Variants in TRHDE observed in about 807,000 individuals in gnomAD.
TRHDE encodes the protein thyrotropin-releasing hormone-degrading ectoenzyme.
A neutral mutation model predicts 125.7 loss-of-function variants in TRHDE; 72 were observed. That is an observed-to-expected ratio of 0.57 (90% CI 0.47 to 0.70). The LOEUF (loss-of-function observed/expected upper bound fraction) is 0.70. Among genes scored for constraint, TRHDE ranks in the 30% least tolerant of loss-of-function variants. The pLI is 0.00. For synonymous variants in TRHDE, 509 were observed against 509.1 expected, an observed-to-expected ratio of 1.00 and a Z score of 0.00; for missense variants, 1,110 against 1,327.1, an observed-to-expected ratio of 0.84 and a Z score of 2.54.
intron 7 of TRHDE, among the ~76,000 whole-genome samples, chr12:72,551,571 A>C (rs897725607): frequency 6.6e-6 from 1 of 151,958 alleles, no homozygotes; most frequent in Non-Finnish European, 1.5e-5. Context: ...CAGTTCACAT[A>C]CCCCACCATT....
rs568444305 is a variant in TRHDE at position 72,391,497 on chromosome 12, T to C, written c.1315+13376T>C. Reference sequence around the variant, plus strand: ...ACTTAGATTTATTCTTTATTGGCTTTATTTTTTTTCCTTATGGGTTCTGTC... The same window carrying C: ...ACTTAGATTTATTCTTTATTGGCTTCATTTTTTTTCCTTATGGGTTCTGTC... On this transcript the variant is annotated intron_variant, in intron 3 of 18. Coordinates refer to ENST00000261180, the MANE Select transcript of TRHDE (RefSeq NM_013381.3). 3.3e-5 allele frequency among the ~76,000 whole-genome samples: 5 copies of C among 152,318 alleles called. No homozygotes were observed. The East Asian group carries it at 9.6e-4, about 29-fold the overall frequency.
chr12:72,093,662 C>G (rs1357862622), intron 1 of TRHDE, among the ~76,000 whole-genome samples: 1 of 151,940 alleles, frequency 6.6e-6, no homozygotes, highest in African/African-American at 2.4e-5. Context: ...TCTAGAATTT[C>G]TGTTTGGTTT....
At chr12:72,566,808 T>TGAA (rs1870468944) in intron 9 of TRHDE, among the ~76,000 whole-genome samples, 1 of 152,030 alleles carries the variant, frequency 6.6e-6, no homozygotes, top group Admixed American at 6.5e-5. Context: ...GTCAAGTTTA[T>TGAA]GAAGTTAATC....
At chr12:72,407,012 G>A (rs970659443) in intron 3 of TRHDE, among the ~76,000 whole-genome samples, 5 of 152,114 alleles carry the variant, frequency 3.3e-5, no homozygotes, top group Non-Finnish European at 5.9e-5. Context: ...AAGCTGTTCC[G>A]TGAGTCTTGT....
intron 3 of TRHDE, among the ~76,000 whole-genome samples, chr12:72,427,942 G>A: frequency 6.6e-6 from 1 of 152,252 alleles, no homozygotes; most frequent in East Asian, 1.9e-4. Context: ...CACATTCCTA[G>A]GTCATACCTC....
chr12:72,596,866 A>G (rs1205324628), intron 12 of TRHDE, among the ~76,000 whole-genome samples: 2 of 152,242 alleles, frequency 1.3e-5, no homozygotes, highest in African/African-American at 2.4e-5. Context: ...CAGCATGAAA[A>G]AGATAAAATG....
At chr12:72,530,845 G>T (rs545845329) in intron 6 of TRHDE, among the ~76,000 whole-genome samples, 1 of 151,676 alleles carries the variant, frequency 6.6e-6, no homozygotes, top group Non-Finnish European at 1.5e-5. Flanking sequence ...GCAATAATGG[G>T]TATTTGATAT....
intron 6 of TRHDE, among the ~76,000 whole-genome samples, chr12:72,502,695 T>C (rs1878206717): frequency 6.6e-6 from 1 of 152,190 alleles, no homozygotes; most frequent in Non-Finnish European, 1.5e-5. Context: ...TGTTCGAGTG[T>C]TCTGTATCCT....
chr12:72,129,208 T>TCTGA (rs1454883897), intron 2 of TRHDE, among the ~76,000 whole-genome samples: 1 of 152,108 alleles, frequency 6.6e-6, no homozygotes, highest in Admixed American at 6.5e-5. Flanking sequence ...ATTTGAAACA[T>TCTGA]CTGAAAGCTA....
chr12:72,544,039 C>A (rs1041985665), intron 7 of TRHDE, among the ~76,000 whole-genome samples: 10 of 151,284 alleles, frequency 6.6e-5, no homozygotes, highest in African/African-American at 2.2e-4. Context: ...TAATTTTCAA[C>A]TGAGGTACTC....
At chr12:72,598,618 G>A (rs1872078879) in intron 12 of TRHDE, among the ~76,000 whole-genome samples, 1 of 152,130 alleles carries the variant, frequency 6.6e-6, no homozygotes, top group Non-Finnish European at 1.5e-5. Flanking sequence ...GCGATAAATG[G>A]AAGCCACAAG....
intron 2 of TRHDE, among the ~76,000 whole-genome samples, chr12:72,235,635 A>C (rs1290288144): frequency 1.3e-5 from 2 of 152,178 alleles, no homozygotes; most frequent in Admixed American, 1.3e-4. Context: ...CTCTGTTTCC[A>C]ATAGTGGTTC....
chr12:72,396,985 T>G (rs545948334), intron 3 of TRHDE, among the ~76,000 whole-genome samples: 1 of 152,220 alleles, frequency 6.6e-6, no homozygotes, highest in African/African-American at 2.4e-5. Flanking sequence ...GCCACCTGTA[T>G]GCTGATGCAT....
chr12:72,228,556 T>C (rs1019320848), intron 2 of TRHDE, among the ~76,000 whole-genome samples: 1 of 152,218 alleles, frequency 6.6e-6, no homozygotes, highest in Non-Finnish European at 1.5e-5. Context: ...TTCCCCATTG[T>C]CTTTACTTAT....
At chr12:72,502,446 A>G (rs950635132) in intron 6 of TRHDE, among the ~76,000 whole-genome samples, 1 of 152,108 alleles carries the variant, frequency 6.6e-6, no homozygotes, top group Non-Finnish European at 1.5e-5. Flanking sequence ...TAGATTACAA[A>G]TATTAGAAGA....
chr12:72,543,797 G>GATTATTATTTGGAAAGGATT lies in TRHDE; in HGVS notation c.1788+1450_1788+1451insTGGAAAGGATTATTATTATT, dbSNP rs1869273492. Among the ~76,000 whole-genome samples the GATTATTATTTGGAAAGGATT allele has an allele frequency of 2.1e-5, 3 of 142,246 alleles. No individual in the cohort carries two copies. In the South Asian group the frequency reaches 6.6e-4, roughly 31 times the overall value. The allele number at this position is 142,246 out of a possible 152,430, so 93.3% of individuals were successfully genotyped here. ...TTGGAAAGGATTATTATTTGGAAAG[G>GATTATTATTTGGAAAGGATT]ATTATTATTATTATTATTATTATTA... On this transcript the variant is annotated intron_variant, in intron 7 of 18. Transcript: ENST00000261180.
At chr12:72,526,177 A>T (rs1459822273) in intron 6 of TRHDE, among the ~76,000 whole-genome samples, 1 of 152,134 alleles carries the variant, frequency 6.6e-6, no homozygotes, top group African/African-American at 2.4e-5. Context: ...ATTGCAAATC[A>T]CGTTCAATAT....
At chr12:72,149,342 T>A (rs563579889) in intron 2 of TRHDE, among the ~76,000 whole-genome samples, 9 of 152,294 alleles carry the variant, frequency 5.9e-5, no homozygotes, top group African/African-American at 2.2e-4. Flanking sequence ...AAGAATTTAT[T>A]GTTATGAAAT....
chr12:72,119,927 G>C lies in TRHDE; in HGVS notation n.279+14175G>C, dbSNP rs184870348. On this transcript the variant is annotated intron_variant and non_coding_transcript_variant, in intron 2 of 4. Coordinates refer to the TRHDE transcript ENST00000548156. The stretch of plus-strand genomic sequence containing the variant: ...GTTTATGTGTGTCTTTATAGGTGAA[G>C]TATGTTTCTTGTAGGCAACAAATCA... Among the ~76,000 whole-genome samples the C allele has an allele frequency of 1.4e-3, 210 of 152,256 alleles. 1 individual carries two copies. The highest frequency in any genetic ancestry group is 4.6e-3 in the African/African-American group (192 of 41,544).
Sources: allele counts gnomAD v4.1 joint callset (sites outside exome capture counted in the v4.1 genomes callset), GRCh38; gene constraint gnomAD v4.1.1; transcripts MANE v1.5; gene names NCBI Gene and HGNC (gene_info 2026-07-23, HGNC 2026-07-21).